Variants in PP2D1 observed in about 807,000 individuals in gnomAD.
PP2D1 encodes protein phosphatase 2C-like domain-containing protein 1.
Under a neutral mutation model 30.2 loss-of-function variants are expected in PP2D1, and 25 were observed. The ratio of observed to expected loss-of-function variants is 0.83; its 90% confidence interval spans 0.60 to 1.16. The LOEUF (loss-of-function observed/expected upper bound fraction) is 1.16, where lower values mean the gene tolerates loss of function less well. Ranked by LOEUF, PP2D1 falls within the 50% of genes most tolerant of loss-of-function variation. PP2D1 has a pLI of 0.00. For missense variants in PP2D1, 760 were observed against 742.4 expected (o/e 1.02, Z -0.28); for synonymous variants, 260 against 258.9 (o/e 1.00, Z -0.04).
At chr3:19,986,216 A>G (rs11128931) in intron 2 of PP2D1, 34 bp from the exon 3 acceptor site, 251,749 of 1,384,444 alleles carry the variant, frequency 0.18, 23,256 homozygotes, top group South Asian at 0.22. Flanking sequence ...AGAAATTTTT[A>G]TCCTAGAGAT....
intron 2 of PP2D1, among the ~76,000 whole-genome samples, chr3:19,997,390 T>C (rs905182074): frequency 6.6e-6 from 1 of 151,352 alleles, no homozygotes; most frequent in Admixed American, 6.6e-5. Flanking sequence ...AGAAGAAACA[T>C]GTCTCAACAT....
chr3:19,982,053 G>A (rs1283700885), downstream of PP2D1, among the ~76,000 whole-genome samples: 3 of 151,856 alleles, frequency 2.0e-5, no homozygotes, highest in East Asian at 5.8e-4. Context: ...ACCAGCCTGG[G>A]CAACAGAGCA....
intron 2 of PP2D1, among the ~76,000 whole-genome samples, chr3:20,000,255 TCA>T (rs1697234676): frequency 6.6e-6 from 1 of 152,180 alleles, no homozygotes; most frequent in Non-Finnish European, 1.5e-5. Context: ...TACTTAGATA[TCA>T]CTAGATATCA....
At chr3:19,991,843 A>G (rs1031600972) in intron 2 of PP2D1, among the ~76,000 whole-genome samples, 11 of 152,250 alleles carry the variant, frequency 7.2e-5, no homozygotes, top group African/African-American at 2.4e-4. Context: ...GTTTCATTTC[A>G]GACCCATTTA....
At position 20,012,015 on chromosome 3, in the gene PP2D1, T is replaced by C. The variant is rs754687562; in HGVS notation, c.23+35A>G. ...TGTAGATATAATTACTCATTGGCTATACGTATTATCCAAAAAAGATTTAAG... is the reference window on the plus strand; with the variant it reads ...TGTAGATATAATTACTCATTGGCTACACGTATTATCCAAAAAAGATTTAAG... On this transcript the variant is annotated intron_variant, in intron 1 of 2. Coordinates refer to ENST00000389050, the MANE Select transcript of PP2D1 (RefSeq NM_001252657.2). 5 of 1,475,266 alleles carry C rather than the reference T, an allele frequency of 3.4e-6. No homozygotes were observed. The African/African-American group carries it at 5.6e-5, about 17-fold the overall frequency. 91.4% of individuals were successfully genotyped at this position (1,475,266 alleles called of 1,614,324 possible).
downstream of PP2D1, among the ~76,000 whole-genome samples, chr3:19,980,382 TAAAAGA>T (rs1198209217): frequency 6.6e-6 from 1 of 152,170 alleles, no homozygotes; most frequent in Non-Finnish European, 1.5e-5. Context: ...TTGCACTTCT[TAAAAGA>T]AAATCTATGT....
intron 2 of PP2D1, chr3:19,996,672 T>G (rs1697183408): frequency 6.6e-6 from 1 of 151,908 alleles, no homozygotes; most frequent in Non-Finnish European, 1.5e-5. Context: ...AATGTAGATG[T>G]GAAAATCCTC....
At chr3:20,007,976 T>A (rs1170283042) in intron 1 of PP2D1, 1 of 219,370 alleles carries the variant, frequency 4.6e-6, no homozygotes, top group Non-Finnish European at 1.0e-5. Context: ...GATAGCCAGA[T>A]CTTTTAATAT....
intron 1 of PP2D1, among the ~76,000 whole-genome samples, chr3:20,011,202 C>T (rs1396739204): frequency 1.3e-5 from 2 of 152,098 alleles, no homozygotes; most frequent in Non-Finnish European, 2.9e-5. Context: ...GACAGGTAAG[C>T]AGAGAAGTAG....
chr3:19,994,022 G>A (rs538177599), intron 2 of PP2D1, among the ~76,000 whole-genome samples: 2 of 150,452 alleles, frequency 1.3e-5, no homozygotes, highest in South Asian at 4.2e-4. Context: ...GTGAGCCACT[G>A]CACCAGGCCC....
At chr3:20,006,118 C>T (rs186637977) in intron 1 of PP2D1, among the ~76,000 whole-genome samples, 1 of 151,794 alleles carries the variant, frequency 6.6e-6, no homozygotes, top group African/African-American at 2.4e-5. Flanking sequence ...CGTGATGGCA[C>T]ACCTGTAATC....
chr3:19,996,827 A>C (rs1697185674), intron 2 of PP2D1: 1 of 152,190 alleles, frequency 6.6e-6, no homozygotes. Context: ...GCAGTATCAT[A>C]GCCAGTGAGG....
Position 19,985,665 on chromosome 3 carries a change from A to ATC in PP2D1, c.1606_1607dup (p.Asp536GlufsTer16), listed in dbSNP as rs1351815848. ...AAATACAGTATTTAGAATAGTTTGA[A>ATC]TCGGATAAATTTTCTTTGGAATTTG... On this transcript the variant is annotated frameshift_variant, in exon 3 of 3. Coordinates refer to ENST00000389050, the MANE Select transcript of PP2D1 (RefSeq NM_001252657.2). LOFTEE classifies it low-confidence loss of function (END_TRUNC). The ATC allele has an allele frequency of 6.5e-7, 1 of 1,535,796 alleles. No homozygotes were observed. The highest frequency in any genetic ancestry group is 8.7e-7 in the Non-Finnish European group (1 of 1,146,724).
At chr3:19,984,787 A>C (rs1697001370), downstream of PP2D1, 1 of 153,104 alleles carries the variant, frequency 6.5e-6, no homozygotes, top group Admixed American at 6.5e-5. Context: ...TTAAAAGCAT[A>C]CAAAATGTAC....
intron 1 of PP2D1, among the ~76,000 whole-genome samples, chr3:20,002,837 C>T (rs765197559): frequency 6.6e-6 from 1 of 151,534 alleles, no homozygotes; most frequent in Admixed American, 6.6e-5. Flanking sequence ...GGGCTGATCA[C>T]GGGGTCAGGA....
At position 20,012,128 on chromosome 3, in the gene PP2D1, A is replaced by T. The variant is rs547099249; in HGVS notation, c.-56T>A. The T allele has an allele frequency of 7.0e-7, 1 of 1,427,966 alleles. No homozygotes were observed. 88.5% of individuals were successfully genotyped at this position (1,427,966 alleles called of 1,614,324 possible). A position where few individuals can be genotyped will look rare whatever the true frequency, so the allele number is the denominator to read the frequency against. ...CCTTTATCCCCTTCCCCTGGCCTCT[A>T]TTTCTCCAACTTGAGTAGTGATGGT... On this transcript the variant is annotated 5_prime_UTR_variant, in exon 1 of 3. Coordinates refer to ENST00000389050, the MANE Select transcript of PP2D1 (RefSeq NM_001252657.2).
At chr3:19,995,996 A>G (rs138320121) in intron 2 of PP2D1, among the ~76,000 whole-genome samples, 6 of 152,302 alleles carry the variant, frequency 3.9e-5, no homozygotes, top group Non-Finnish European at 7.3e-5. Context: ...TTATAGTAAT[A>G]AACTCCAAAT....
chr3:19,983,361 A>AAAG (rs1319582103), downstream of PP2D1, among the ~76,000 whole-genome samples: 2 of 151,636 alleles, frequency 1.3e-5, no homozygotes, highest in African/African-American at 4.8e-5. Flanking sequence ...AAAAAAAAAA[A>AAAG]AAGAAGTAAT....
At chr3:19,990,315 C>A (rs542463992) in intron 2 of PP2D1, among the ~76,000 whole-genome samples, 1 of 152,102 alleles carries the variant, frequency 6.6e-6, no homozygotes, top group South Asian at 2.1e-4. Context: ...TGGCTAATTT[C>A]TGCATTTTTT....
Sources: allele counts gnomAD v4.1 joint callset (sites outside exome capture counted in the v4.1 genomes callset), GRCh38; gene constraint gnomAD v4.1.1; transcripts MANE v1.5; gene names NCBI Gene and HGNC (gene_info 2026-07-23, HGNC 2026-07-21).